The following EHBP1 variants were observed in gnomAD, a reference collection of about 807,000 sequenced individuals.
EHBP1 encodes EH domain-binding protein 1.
In EHBP1, 55 loss-of-function variants were observed where a neutral mutation model predicts 144.0. The observed-to-expected ratio is 0.38, with a 90% CI of 0.31 to 0.48. The LOEUF is 0.48. Among genes scored for constraint, EHBP1 ranks in the 20% least tolerant of loss-of-function variants. The pLI is 0.98. For synonymous variants in EHBP1, 469 were observed against 472.7 expected, an observed-to-expected ratio of 0.99 and a Z score of 0.10; for missense variants, 1,200 against 1,364.2, an observed-to-expected ratio of 0.88 and a Z score of 1.90.
At position 63,045,079 on chromosome 2, in the gene EHBP1, C is replaced by T. The variant is rs372783495; in HGVS notation, c.3291C>T (p.Thr1097=). The T allele has an allele frequency of 5.1e-6, 8 of 1,564,156 alleles. No individual in the cohort carries two copies. Among genetic ancestry groups the T allele is most frequent in the Non-Finnish European group, 6.1e-6 (7 of 1,153,056 alleles). The change falls in exon 22 of 23, where the codon ACC becomes ACT. Residue 1097 remains threonine, a synonymous_variant. Coordinates refer to ENST00000431489, the MANE Select transcript of EHBP1 (RefSeq NM_001142616.3). This position sits in a 1 kb window ranked among gnomAD's most constrained non-coding sequence, Gnocchi z 5.7. ...CGTCTTCTGCAGACTGGCAGAAGAC[C>T]GAGGCCCAGAAGCGACGCGAACAGC... ...AMLAIEDWQK[T]EAQKRREQLL...
chr2:63,019,536 G>A (rs887347802), intron 19 of EHBP1, among the ~76,000 whole-genome samples: 16 of 151,678 alleles, frequency 1.1e-4, no homozygotes, highest in South Asian at 8.3e-4. Flanking sequence ...GTGAAACCCC[G>A]TCTCTACTAA....
rs745592222 is a variant in EHBP1 at position 62,948,967 on chromosome 2, C to T, written c.2121C>T (p.Ser707=). 6.2e-7 allele frequency: 1 copy of T among 1,613,968 alleles called. No individual in the cohort carries two copies. The highest frequency in any genetic ancestry group is 1.1e-5 in the South Asian group (1 of 91,056). ...AAGAAAAATTAGAGAATTCCAGATC[C>T]TTAGAATGCAGATCAGATCCAGAAT... is the stretch of plus-strand genomic sequence containing the variant. ...LEKEKLENSR[S]LECRSDPESP... The change falls in exon 13 of 23, where the codon TCC becomes TCT. Residue 707 remains serine (S), a synonymous_variant. Coordinates refer to ENST00000431489, the MANE Select transcript of EHBP1 (RefSeq NM_001142616.3).
chr2:62,840,143 A>C (rs2047680524), intron 7 of EHBP1, among the ~76,000 whole-genome samples: 2 of 150,046 alleles, frequency 1.3e-5, no homozygotes, highest in Non-Finnish European at 3.0e-5. Flanking sequence ...AAACAGAGAT[A>C]TAGATCAATG....
chr2:62,726,269 C>T (rs190688680), intron 2 of EHBP1, among the ~76,000 whole-genome samples: 5 of 152,240 alleles, frequency 3.3e-5, no homozygotes, highest in African/African-American at 1.2e-4. Context: ...GTGGAGGAGT[C>T]TCCTCTTGCC....
intron 14 of EHBP1, among the ~76,000 whole-genome samples, chr2:62,959,726 G>T (rs1574251429): frequency 6.6e-6 from 1 of 152,072 alleles, no homozygotes; most frequent in Non-Finnish European, 1.5e-5. Flanking sequence ...TTTTAATCGG[G>T]TTAACAGTTT....
intron 19 of EHBP1, among the ~76,000 whole-genome samples, chr2:63,025,085 A>G (rs2060917618): frequency 6.6e-6 from 1 of 152,228 alleles, no homozygotes. Context: ...ATGGAATTTC[A>G]TTAAAAGATT....
chr2:62,793,529 A>G (rs1211785717), intron 5 of EHBP1, among the ~76,000 whole-genome samples: 4 of 152,234 alleles, frequency 2.6e-5, no homozygotes, highest in Non-Finnish European at 4.4e-5. Flanking sequence ...CAGTGCATAT[A>G]TGTCAACAAG....
At chr2:63,000,034 C>G (rs2059785900) in intron 19 of EHBP1, among the ~76,000 whole-genome samples, 1 of 152,162 alleles carries the variant, frequency 6.6e-6, no homozygotes, top group African/African-American at 2.4e-5. Flanking sequence ...GCTCCCAGAG[C>G]TTGAGCAACA....
At chr2:62,728,962 T>C (rs931841321) in intron 2 of EHBP1, among the ~76,000 whole-genome samples, 1 of 151,986 alleles carries the variant, frequency 6.6e-6, no homozygotes, top group African/African-American at 2.4e-5. Flanking sequence ...AGGTGTCTAC[T>C]TTTATTCTTT....
chr2:62,900,562 A>G (rs1033717275), intron 10 of EHBP1, among the ~76,000 whole-genome samples: 5 of 151,902 alleles, frequency 3.3e-5, no homozygotes, highest in Non-Finnish European at 7.4e-5. Flanking sequence ...TCGAGGCTGC[A>G]GTGAGCTGTG....
chr2:62,900,702 ATTT>A (rs1354531165), intron 10 of EHBP1, among the ~76,000 whole-genome samples: 1 of 149,878 alleles, frequency 6.7e-6, no homozygotes, highest in African/African-American at 2.5e-5. Context: ...ATATATATAT[ATTT>A]TCTTTCTCTG....
intron 10 of EHBP1, among the ~76,000 whole-genome samples, chr2:62,913,280 G>A (rs2054359776): frequency 6.6e-6 from 1 of 152,102 alleles, no homozygotes. Flanking sequence ...TAAGAGATTA[G>A]CCAAATGATC....
At chr2:62,758,055 CT>C (rs1486455627) in intron 3 of EHBP1, among the ~76,000 whole-genome samples, 1 of 151,664 alleles carries the variant, frequency 6.6e-6, no homozygotes, top group East Asian at 1.9e-4. Context: ...ATTGCTCACT[CT>C]TTTTTGAGGT....
intron 7 of EHBP1, among the ~76,000 whole-genome samples, chr2:62,855,146 C>G (rs2048951538): frequency 6.6e-6 from 1 of 152,230 alleles, no homozygotes; most frequent in Non-Finnish European, 1.5e-5. Context: ...CTTCCCCTGC[C>G]CTCTCAGCCT....
chr2:62,984,653 T>C (rs2059114505), intron 15 of EHBP1, among the ~76,000 whole-genome samples: 1 of 152,230 alleles, frequency 6.6e-6, no homozygotes, highest in Admixed American at 6.5e-5. Flanking sequence ...CGAAGTTGAT[T>C]GTAAAACTGA....
chr2:62,709,706 T>C (rs1325782854), intron 2 of EHBP1, among the ~76,000 whole-genome samples: 1 of 152,016 alleles, frequency 6.6e-6, no homozygotes, highest in African/African-American at 2.4e-5. Flanking sequence ...CTGGACTTAA[T>C]ACCAGAAGGA....
intron 4 of EHBP1, among the ~76,000 whole-genome samples, chr2:62,766,080 A>G (rs770917605): frequency 1.3e-5 from 2 of 152,190 alleles, no homozygotes; most frequent in Non-Finnish European, 2.9e-5. Flanking sequence ...GAATTTACTC[A>G]TAAAAATAGT....
chr2:62,741,569 T>C (rs968367014), intron 2 of EHBP1, among the ~76,000 whole-genome samples: 2 of 152,212 alleles, frequency 1.3e-5, no homozygotes, highest in African/African-American at 4.8e-5. Context: ...GTTGTTTCTT[T>C]GTTTGTTTTT....
Position 62,955,497 on chromosome 2 carries a change from TC to T in EHBP1, c.2317-19del. The stretch of plus-strand genomic sequence containing the variant: ...ACCCGTTTTTTTTTTGGCTTCTAAT[TC>T]TGTATCTTTGCTTTTAAGCATCGAT... On this transcript the variant is annotated intron_variant, in intron 13 of 22. Coordinates refer to ENST00000431489, the MANE Select transcript of EHBP1 (RefSeq NM_001142616.3). The T allele has an allele frequency of 6.3e-7, 1 of 1,599,014 alleles. No homozygotes were observed. The highest frequency in any genetic ancestry group is 8.5e-7 in the Non-Finnish European group (1 of 1,173,940).
Sources: gnomAD v4.1 joint callset for allele counts (sites outside exome capture counted in the v4.1 genomes callset) on GRCh38, gnomAD v4.1.1 for gene constraint, Gnocchi (gnomAD v3.1) non-coding constraint, MANE v1.5 for transcripts, NCBI Gene and HGNC (gene_info 2026-07-23, HGNC 2026-07-21) for gene names.